GRK3: variants seen among roughly 807,000 people sequenced by gnomAD.
GRK3 encodes the protein adrenergic, beta, receptor kinase 2.
A neutral mutation model predicts 95.7 loss-of-function variants in GRK3; 54 were observed. The ratio of observed to expected loss-of-function variants is 0.56; its 90% CI spans 0.45 to 0.71. GRK3 has a LOEUF of 0.71. Among genes scored for constraint, GRK3 ranks in the 30% least tolerant of loss-of-function variants. GRK3 has a pLI of 0.00. For synonymous variants in GRK3, 281 were observed against 290.8 expected, an observed-to-expected ratio of 0.97 and a Z score of 0.34; for missense variants, 649 against 851.2, an observed-to-expected ratio of 0.76 and a Z score of 2.96.
chr22:25,688,071 CT>C (rs1471143111), intron 11 of GRK3, among the ~76,000 whole-genome samples: 1 of 151,922 alleles, frequency 6.6e-6, no homozygotes, highest in Non-Finnish European at 1.5e-5. Flanking sequence ...CCCGTCTCTA[CT>C]AAAAATACAA....
At chr22:25,621,781 G>T (rs2084587988) in intron 2 of GRK3, among the ~76,000 whole-genome samples, 1 of 152,154 alleles carries the variant, frequency 6.6e-6, no homozygotes, top group African/African-American at 2.4e-5. Context: ...TGTGAGTTGG[G>T]TGATCCTCTC....
At chr22:25,671,257 G>GTGA (rs2084980235) in intron 6 of GRK3, among the ~76,000 whole-genome samples, 1 of 140,124 alleles carries the variant, frequency 7.1e-6, no homozygotes, top group Non-Finnish European at 1.6e-5. Context: ...GAAGAATGGC[G>GTGA]TGAACCCGGG....
intron 3 of GRK3, among the ~76,000 whole-genome samples, chr22:25,646,760 C>T (rs879553404): frequency 2.1e-4 from 32 of 152,126 alleles, no homozygotes; most frequent in Non-Finnish European, 3.5e-4. Flanking sequence ...CAATGGCTCA[C>T]GCCTGTAATC....
chr22:25,719,538 G>A lies in GRK3; in HGVS notation c.1791+1157G>A, dbSNP rs2085414257. 2.0e-5 allele frequency among the ~76,000 whole-genome samples: 3 copies of A among 152,164 alleles called. No homozygotes were observed. The South Asian group carries it at 6.2e-4, about 32-fold the overall frequency. ...GCTGCCCTCTAAGATCCTTTCGAGAGCTAATGTTTGTGAACAAGATAAAAA... is the reference window on the plus strand; with the variant it reads ...GCTGCCCTCTAAGATCCTTTCGAGAACTAATGTTTGTGAACAAGATAAAAA... On this transcript the variant is annotated intron_variant, in intron 19 of 20. Coordinates refer to ENST00000324198, the MANE Select transcript of GRK3 (RefSeq NM_005160.4).
chr22:25,595,933 C>T (rs1222321319), intron 1 of GRK3, among the ~76,000 whole-genome samples: 2 of 152,054 alleles, frequency 1.3e-5, no homozygotes, highest in Admixed American at 6.6e-5. Context: ...GATGACAGAG[C>T]GAGACCCGCT....
chr22:25,679,231 G>A (rs1204504509), intron 9 of GRK3, among the ~76,000 whole-genome samples: 5 of 152,158 alleles, frequency 3.3e-5, no homozygotes, highest in Admixed American at 6.5e-5. Flanking sequence ...CTGACTAAAC[G>A]ACTGGCAAGA....
chr22:25,716,262 A>G (rs544142362), intron 18 of GRK3, among the ~76,000 whole-genome samples: 1 of 152,302 alleles, frequency 6.6e-6, no homozygotes, highest in Admixed American at 6.5e-5. Flanking sequence ...TGCTGGGATT[A>G]CAGGCGTGAG....
intron 1 of GRK3, among the ~76,000 whole-genome samples, chr22:25,594,199 G>A (rs1362471808): frequency 6.6e-6 from 1 of 152,092 alleles, no homozygotes; most frequent in Non-Finnish European, 1.5e-5. Flanking sequence ...GGGCAGCATG[G>A]CCATTTTTAC....
chr22:25,629,698 A>G (rs1344411373), intron 2 of GRK3, among the ~76,000 whole-genome samples: 3 of 152,184 alleles, frequency 2.0e-5, no homozygotes, highest in Non-Finnish European at 4.4e-5. Flanking sequence ...TTGCAGTAAC[A>G]TGAATGTCTT....
chr22:25,694,656 C>T (rs2085192288), intron 12 of GRK3, among the ~76,000 whole-genome samples: 1 of 152,162 alleles, frequency 6.6e-6, no homozygotes, highest in Non-Finnish European at 1.5e-5. Context: ...CTCAGGTCCT[C>T]AGCACAATTG....
chr22:25,632,239 A>G (rs1164041790), intron 2 of GRK3, among the ~76,000 whole-genome samples: 1 of 152,194 alleles, frequency 6.6e-6, no homozygotes, highest in Non-Finnish European at 1.5e-5. Flanking sequence ...TTGTTATTCT[A>G]GTAAGTATAT....
At chr22:25,647,424 C>T (rs1397033974) in intron 3 of GRK3, 1 of 1,317,248 alleles carries the variant, frequency 7.6e-7, no homozygotes, top group East Asian at 2.3e-5. Context: ...TTTCAGCCGT[C>T]TTTCCATTCC....
chr22:25,578,546 G>A (rs1473534375), intron 1 of GRK3, among the ~76,000 whole-genome samples: 1 of 152,152 alleles, frequency 6.6e-6, no homozygotes, highest in Non-Finnish European at 1.5e-5. Flanking sequence ...CAGCTAAGGT[G>A]CTGAGTTTAA....
At chr22:25,667,586 A>G (rs573064634) in intron 5 of GRK3, among the ~76,000 whole-genome samples, 153 bp from the exon 6 acceptor site, 1 of 152,316 alleles carries the variant, frequency 6.6e-6, no homozygotes, top group Admixed American at 6.5e-5. Context: ...GCATTAGTGA[A>G]TATTAGACAA....
intron 2 of GRK3, among the ~76,000 whole-genome samples, chr22:25,641,370 C>A (rs897929890): frequency 6.6e-6 from 1 of 152,138 alleles, no homozygotes; most frequent in African/African-American, 2.4e-5. Context: ...TACCTTTGCT[C>A]TTTCTTCTAC....
chr22:25,655,067 T>C (rs1329707917), intron 3 of GRK3, among the ~76,000 whole-genome samples: 2 of 152,164 alleles, frequency 1.3e-5, no homozygotes, highest in Non-Finnish European at 1.5e-5. Context: ...TTTTTGTCAG[T>C]TTAGTAATTT....
At chr22:25,594,464 G>A (rs954550513) in intron 1 of GRK3, among the ~76,000 whole-genome samples, 1 of 152,130 alleles carries the variant, frequency 6.6e-6, no homozygotes, top group African/African-American at 2.4e-5. Flanking sequence ...CAAAATACTA[G>A]CAAACCAAAT....
chr22:25,598,661 A>T (rs986795502), intron 1 of GRK3, among the ~76,000 whole-genome samples: 8 of 151,914 alleles, frequency 5.3e-5, no homozygotes, highest in Admixed American at 5.3e-4. Flanking sequence ...GGCAACAGAG[A>T]GACCCTGTGC....
chr22:25,636,234 T>G (rs2084700502), intron 2 of GRK3, among the ~76,000 whole-genome samples: 1 of 152,226 alleles, frequency 6.6e-6, no homozygotes. Context: ...CAGCCTAAAT[T>G]TGGACACTAG....
Sources: gnomAD v4.1 joint callset for allele counts (sites outside exome capture counted in the v4.1 genomes callset) on GRCh38, gnomAD v4.1.1 for gene constraint, MANE v1.5 for transcripts, NCBI Gene and HGNC (gene_info 2026-07-23, HGNC 2026-07-21) for gene names.